Variants in DNMBP observed in about 807,000 individuals in gnomAD.
DNMBP encodes the protein dynamin-binding protein.
A neutral mutation model predicts 150.0 loss-of-function variants in DNMBP; 87 were observed. The observed-to-expected ratio is 0.58, with a 90% CI of 0.49 to 0.69. The LOEUF (loss-of-function observed/expected upper bound fraction) is 0.69, where lower values mean the gene tolerates loss of function less well. DNMBP is among the 30% of genes least tolerant of loss of function. The pLI, the probability that DNMBP is intolerant of heterozygous loss-of-function variation, is 0.00. For missense variants in DNMBP, 1,774 were observed against 1,949.0 expected (o/e 0.91, Z 1.69); for synonymous variants, 711 against 750.4 (o/e 0.95, Z 0.86).
At chr10:99,907,168 A>T (rs1223294701) in intron 6 of DNMBP, among the ~76,000 whole-genome samples, 2 of 151,856 alleles carry the variant, frequency 1.3e-5, no homozygotes, top group Admixed American at 6.6e-5. Flanking sequence ...CAAAAAAAAA[A>T]TTACAAAAAT....
In DNMBP at chr10:100,006,093, T is replaced by C. The variant is rs555552726; in HGVS notation, c.-11+3745A>G. Among the ~76,000 whole-genome samples, 12 of 152,346 alleles carry C rather than the reference T, an allele frequency of 7.9e-5. No homozygotes were observed. In the South Asian group the frequency reaches 2.3e-3, roughly 29 times the overall value. The stretch of plus-strand genomic sequence containing the variant: ...CTACTCTGGTTGCCAGTTCTGTTGA[T>C]GAGTAACAGCTTTTCATCCTTTTTC... On this transcript the variant is annotated intron_variant, in intron 1 of 16. Coordinates refer to ENST00000324109, the MANE Select transcript of DNMBP (RefSeq NM_015221.4).
At chr10:99,961,107 C>T (rs1210010265) in intron 3 of DNMBP, among the ~76,000 whole-genome samples, 1 of 151,138 alleles carries the variant, frequency 6.6e-6, no homozygotes, top group South Asian at 2.1e-4. Context: ...GGTATGATGC[C>T]TTTTGCATGG....
chr10:99,944,592 A>G (rs2040337261), intron 4 of DNMBP, among the ~76,000 whole-genome samples: 1 of 152,178 alleles, frequency 6.6e-6, no homozygotes, highest in African/African-American at 2.4e-5. Context: ...GCACATCTAT[A>G]ATGTTCATCG....
chr10:100,005,293 T>A (rs1376253127), intron 1 of DNMBP, among the ~76,000 whole-genome samples: 1 of 152,190 alleles, frequency 6.6e-6, no homozygotes, highest in African/African-American at 2.4e-5. Flanking sequence ...AGGAAGATGT[T>A]CACTGCAGCA....
At position 99,956,761 on chromosome 10, in the gene DNMBP, T is replaced by G; in HGVS notation, c.713A>C (p.Asp238Ala). Residue 238 changes from aspartate to alanine, a missense_variant, in exon 4 of 17, where the codon GAT becomes GCT. Around this residue, in one of 2 missense-constraint regions of DNMBP, gnomAD observed 344 missense variants for 456.6 expected, o/e 0.75. Coordinates refer to ENST00000324109, the MANE Select transcript of DNMBP (RefSeq NM_015221.4). The part of the protein sequence containing the change: ...TPVGEEEIGP[D>A]EDEEEPGTYG... ...GGTCCCTGGCTCCTCCTCATCCTCA[T>G]CCGGCCCTATCTCTTCTTCTCCTAC... 4 of 1,614,102 alleles carry G rather than the reference T, an allele frequency of 2.5e-6. No homozygotes were observed. Among genetic ancestry groups the G allele is most frequent in the Non-Finnish European group, 3.4e-6 (4 of 1,180,012 alleles).
intron 4 of DNMBP, among the ~76,000 whole-genome samples, chr10:99,918,861 C>CAAA (rs1564731853): frequency 6.6e-6 from 1 of 152,172 alleles, no homozygotes; most frequent in African/African-American, 2.4e-5. Context: ...CACATAAATC[C>CAAA]TAGCATGGTA....
intron 6 of DNMBP, among the ~76,000 whole-genome samples, chr10:99,900,641 T>C (rs1437802792): frequency 6.6e-6 from 1 of 150,822 alleles, no homozygotes; most frequent in Non-Finnish European, 1.5e-5. Context: ...CAGTTTCTTA[T>C]TTTTTTTTCC....
intron 4 of DNMBP, among the ~76,000 whole-genome samples, chr10:99,942,067 C>G (rs997168893): frequency 6.6e-6 from 1 of 152,162 alleles, no homozygotes; most frequent in South Asian, 2.1e-4. Context: ...ACAACTGTGC[C>G]GTTGCTCTAG....
chr10:99,877,068 G>T lies in DNMBP; in HGVS notation c.*83C>A. On this transcript the variant is annotated 3_prime_UTR_variant, in exon 17 of 17. Coordinates refer to ENST00000324109, the MANE Select transcript of DNMBP (RefSeq NM_015221.4). ...CGCAGACAGGGCCTGTGTCTCAGGA[G>T]CAGGCGCCCTCTCGGTGGGCCGCCA... 1 of 1,276,888 alleles carries T rather than the reference G, an allele frequency of 7.8e-7. No individual in the cohort carries two copies. Among genetic ancestry groups the T allele is most frequent in the Non-Finnish European group, 1.1e-6 (1 of 915,504 alleles). The allele number at this position is 1,276,888 out of a possible 1,614,324, so 79.1% of individuals were successfully genotyped here.
intron 1 of DNMBP, among the ~76,000 whole-genome samples, chr10:99,989,332 T>C (rs1327147217): frequency 2.0e-5 from 3 of 152,250 alleles, no homozygotes; most frequent in African/African-American, 7.2e-5. Flanking sequence ...GCCTGTCCTC[T>C]GGTGCTCCTG....
At chr10:99,921,164 A>G (rs2040018629) in intron 4 of DNMBP, among the ~76,000 whole-genome samples, 1 of 152,224 alleles carries the variant, frequency 6.6e-6, no homozygotes, top group African/African-American at 2.4e-5. Flanking sequence ...TGTAACAACA[A>G]AGTTTAATGG....
chr10:99,885,931 A>G, intron 13 of DNMBP, 65 bp from the exon 14 acceptor site: 1 of 1,427,080 alleles, frequency 7.0e-7, no homozygotes, highest in South Asian at 1.4e-5. Context: ...TCCCAGAGAA[A>G]AGAAGAAAAC....
chr10:99,918,240 T>C (rs2039988124), intron 4 of DNMBP, among the ~76,000 whole-genome samples: 1 of 151,970 alleles, frequency 6.6e-6, no homozygotes, highest in South Asian at 2.1e-4. Context: ...CCTACTTTAC[T>C]TCTACTTGGA....
chr10:99,894,125 A>C (rs191832259), intron 11 of DNMBP, among the ~76,000 whole-genome samples: 1 of 152,260 alleles, frequency 6.6e-6, no homozygotes, highest in African/African-American at 2.4e-5. Context: ...CTCTGCTTAA[A>C]AAAATTAGCC....
At chr10:99,915,965 T>C (rs1316476002) in intron 4 of DNMBP, among the ~76,000 whole-genome samples, 4 of 152,188 alleles carry the variant, frequency 2.6e-5, no homozygotes, top group Non-Finnish European at 4.4e-5. Context: ...GCAAACCATA[T>C]GCATTCTAAC....
chr10:100,004,572 T>C (rs1330161004), intron 1 of DNMBP, among the ~76,000 whole-genome samples: 7 of 152,166 alleles, frequency 4.6e-5, no homozygotes, highest in South Asian at 2.1e-4. Flanking sequence ...TTTGTTGACA[T>C]GTTATTAGAA....
chr10:99,916,616 G>T (rs1365610610), intron 4 of DNMBP, among the ~76,000 whole-genome samples: 1 of 151,598 alleles, frequency 6.6e-6, no homozygotes, highest in Non-Finnish European at 1.5e-5. Context: ...GGCAAAGAGG[G>T]ATAGGGGAGT....
At chr10:99,998,865 G>A (rs2040981036) in intron 1 of DNMBP, among the ~76,000 whole-genome samples, 2 of 152,142 alleles carry the variant, frequency 1.3e-5, no homozygotes, top group Admixed American at 6.5e-5. Flanking sequence ...AACCAAGTTA[G>A]CTTTTTAGAT....
At chr10:99,922,506 T>TG (rs1280960591) in intron 4 of DNMBP, among the ~76,000 whole-genome samples, 3 of 97,820 alleles carry the variant, frequency 3.1e-5, no homozygotes, top group Admixed American at 2.9e-4. Flanking sequence ...GCTGCTGTTT[T>TG]TTTTTTTTTT....
Sources: gnomAD v4.1 joint callset for allele counts (sites outside exome capture counted in the v4.1 genomes callset) on GRCh38, gnomAD v4.1.1 for gene constraint, gnomAD v4.1.1 regional missense constraint, MANE v1.5 for transcripts, NCBI Gene and HGNC (gene_info 2026-07-23, HGNC 2026-07-21) for gene names.